The following DHRS7B variants were observed in gnomAD, a reference collection of about 807,000 sequenced individuals.
The protein encoded by DHRS7B is peroxisomal reductase activating PPAR-gamma.
A neutral mutation model predicts 26.4 loss-of-function variants in DHRS7B; 24 were observed. That is an observed-to-expected ratio of 0.91 (90% confidence interval 0.66 to 1.28). DHRS7B has a LOEUF of 1.28. DHRS7B is among the 50% of genes most tolerant of loss of function. The pLI, the probability that DHRS7B is intolerant of heterozygous loss-of-function variation, is 0.00. For missense variants in DHRS7B, 368 were observed against 419.4 expected, an observed-to-expected ratio of 0.88 and a Z score of 1.07; for synonymous variants, 142 against 166.4, an observed-to-expected ratio of 0.85 and a Z score of 1.13.
chr17:21,182,162 T>A (rs1445297617), intron 3 of DHRS7B, among the ~76,000 whole-genome samples: 1 of 152,206 alleles, frequency 6.6e-6, no homozygotes, highest in African/African-American at 2.4e-5. Flanking sequence ...TTTTGTGAGA[T>A]CTCTTTTCTG....
intron 1 of DHRS7B, chr17:21,166,069 C>A (rs966700959): frequency 3.7e-6 from 3 of 809,732 alleles, no homozygotes; most frequent in Non-Finnish European, 3.0e-6. Context: ...TCATTGTCAC[C>A]GCACTCCTGT....
At chr17:21,185,382 G>GTGTA (rs1259337175) in intron 5 of DHRS7B, among the ~76,000 whole-genome samples, 1 of 152,236 alleles carries the variant, frequency 6.6e-6, no homozygotes, top group African/African-American at 2.4e-5. Context: ...TGAACTGAGA[G>GTGTA]TGTAACACAG....
At position 21,159,101 on chromosome 17, in the gene DHRS7B, G is replaced by A. The variant is rs182818313; in HGVS notation, c.21-12917G>A. 5.3e-5 allele frequency among the ~76,000 whole-genome samples: 8 copies of A among 152,298 alleles called. No individual in the cohort carries two copies. In the East Asian group the frequency reaches 1.5e-3, roughly 29 times the overall value. On this transcript the variant is annotated intron_variant, in intron 1 of 6. Transcript: ENST00000395511. Reference sequence around the variant, plus strand: ...AGAAAATTTGATGACCTCGGGTATGGTGGTGACTTTTGGGCATGATCCATG... The same window carrying A: ...AGAAAATTTGATGACCTCGGGTATGATGGTGACTTTTGGGCATGATCCATG...
intron 2 of DHRS7B, among the ~76,000 whole-genome samples, chr17:21,177,547 C>T (rs945859686): frequency 1.3e-5 from 2 of 152,208 alleles, no homozygotes; most frequent in Non-Finnish European, 1.5e-5. Flanking sequence ...TCCCGCCCAG[C>T]AGGACTGAGC....
intron 5 of DHRS7B, among the ~76,000 whole-genome samples, chr17:21,187,814 T>G (rs151133130): frequency 0.011 from 1,620 of 144,128 alleles, 35 homozygotes; most frequent in African/African-American, 0.04. Context: ...TCATTCAGTT[T>G]TTTTTGTTTT....
At chr17:21,129,466 G>T (rs915256759) in intron 1 of DHRS7B, among the ~76,000 whole-genome samples, 3 of 152,048 alleles carry the variant, frequency 2.0e-5, no homozygotes, top group African/African-American at 7.2e-5. Context: ...AGCGCTTTGG[G>T]AGGCTGAGGT....
At chr17:21,153,852 G>A (rs1474311290) in intron 1 of DHRS7B, among the ~76,000 whole-genome samples, 1 of 152,036 alleles carries the variant, frequency 6.6e-6, no homozygotes, top group African/African-American at 2.4e-5. Flanking sequence ...GTTTCAACAT[G>A]AATTTTAAAA....
At chr17:21,155,471 A>G (rs1973860016) in intron 1 of DHRS7B, among the ~76,000 whole-genome samples, 1 of 152,222 alleles carries the variant, frequency 6.6e-6, no homozygotes, top group Non-Finnish European at 1.5e-5. Flanking sequence ...ATAGAGCATC[A>G]AAATATGTGA....
intron 1 of DHRS7B, among the ~76,000 whole-genome samples, chr17:21,170,760 A>G (rs1364933401): frequency 2.6e-5 from 4 of 152,212 alleles, no homozygotes; most frequent in Admixed American, 6.5e-5. Context: ...TTCAGGATCA[A>G]AGCGACTTGG....
intron 1 of DHRS7B, among the ~76,000 whole-genome samples, chr17:21,130,185 G>A (rs1973197967): frequency 6.6e-6 from 1 of 152,164 alleles, no homozygotes; most frequent in Non-Finnish European, 1.5e-5. Flanking sequence ...ATCACCTGAG[G>A]TCAGGAGTTC....
At chr17:21,167,013 A>T (rs1249222948) in intron 1 of DHRS7B, among the ~76,000 whole-genome samples, 1 of 144,794 alleles carries the variant, frequency 6.9e-6, no homozygotes, top group Non-Finnish European at 1.5e-5. Flanking sequence ...ACAGTTCTTT[A>T]AAAAAAAAAA....
rs895313344 is a variant in DHRS7B, at chr17:21,151,836, A to G, written c.21-20182A>G. ...TCAATTGTAATCCCCAACGTTGGAG[A>G]TGGGGTATGGTGGAAGGTGATTGGA... On this transcript the variant is annotated intron_variant, in intron 1 of 6. Coordinates refer to ENST00000395511, the MANE Select transcript of DHRS7B (RefSeq NM_015510.5). Among the ~76,000 whole-genome samples the G allele has an allele frequency of 5.9e-5, 9 of 152,078 alleles. 1 individual carries two copies. The highest frequency in any genetic ancestry group is 5.9e-4 in the Admixed American group (9 of 15,262).
At chr17:21,188,301 T>C (rs1974695140) in intron 5 of DHRS7B, among the ~76,000 whole-genome samples, 1 of 152,168 alleles carries the variant, frequency 6.6e-6, no homozygotes, top group Non-Finnish European at 1.5e-5. Flanking sequence ...ATACCGTTTA[T>C]AATATATATA....
intron 1 of DHRS7B, among the ~76,000 whole-genome samples, chr17:21,141,060 GAGGGCTCAGAACACTGGGTGATC>G (rs886144189): frequency 5.9e-5 from 9 of 152,080 alleles, no homozygotes; most frequent in African/African-American, 2.2e-4. Flanking sequence ...TGACCTCAGA[GAGGGCTCAGAACACTGGGTGATC>G]AGTCCTTATA....
rs575967236 is a variant in DHRS7B, at chr17:21,148,733, G to A, written c.20+21742G>A. 6.6e-5 allele frequency among the ~76,000 whole-genome samples: 10 copies of A among 152,040 alleles called. No homozygotes were observed. In the East Asian group the frequency reaches 1.7e-3, roughly 27 times the overall value. On this transcript the variant is annotated intron_variant, in intron 1 of 6. Coordinates refer to ENST00000395511, the MANE Select transcript of DHRS7B (RefSeq NM_015510.5). ...TGCACTCCAGCCTAGGCGACAGAGC[G>A]AGATTGTAAAAAACAAACAAACAAA...
rs1974774231 is a variant in DHRS7B, at chr17:21,191,222, T to C, written c.*69T>C. On this transcript the variant is annotated 3_prime_UTR_variant, in exon 7 of 7. Transcript: ENST00000395511. ...GGCTTGCTTACTCTACAAGGGACAG[T>C]TGCATTTGTTGAGACTTTAATGGAG... The C allele has an allele frequency of 6.7e-7, 1 of 1,487,438 alleles. No homozygotes were observed. The highest frequency in any genetic ancestry group is 9.3e-7 in the Non-Finnish European group (1 of 1,076,948). The allele number at this position is 1,487,438 out of a possible 1,614,324, so 92.1% of individuals were successfully genotyped here. A position where few individuals can be genotyped will look rare whatever the true frequency, so the allele number is the denominator to read the frequency against.
intron 1 of DHRS7B, 94 bp from the exon 2 acceptor site, chr17:21,171,924 A>G (rs1370232201): frequency 6.8e-7 from 1 of 1,481,162 alleles, no homozygotes; most frequent in Non-Finnish European, 9.4e-7. Flanking sequence ...ACAGAGGGAG[A>G]TCTGGGATTC....
At chr17:21,168,539 A>T (rs1974164277) in intron 1 of DHRS7B, among the ~76,000 whole-genome samples, 2 of 151,946 alleles carry the variant, frequency 1.3e-5, no homozygotes. Context: ...TGGTTAGTTT[A>T]TGTGTTTTTT....
At chr17:21,164,812 C>T (rs1039568948) in intron 1 of DHRS7B, among the ~76,000 whole-genome samples, 6 of 152,202 alleles carry the variant, frequency 3.9e-5, no homozygotes, top group Non-Finnish European at 7.3e-5. Context: ...TACCAGAGGG[C>T]ACTTGAGAAG....
Sources: allele counts gnomAD v4.1 joint callset (sites outside exome capture counted in the v4.1 genomes callset), GRCh38; gene constraint gnomAD v4.1.1; transcripts MANE v1.5; gene names NCBI Gene and HGNC (gene_info 2026-07-23, HGNC 2026-07-21).